Variants in RAD52 observed in about 807,000 individuals in gnomAD.
RAD52 encodes the protein RAD52 DNA repair protein, also known as DNA repair protein RAD52 homolog.
A neutral mutation model predicts 55.5 loss-of-function variants in RAD52; 47 were observed. That is an observed-to-expected ratio of 0.85 (90% CI 0.67 to 1.08). The LOEUF is 1.08. RAD52 is among the 50% of genes least tolerant of loss of function. RAD52 has a pLI of 0.00. For synonymous variants in RAD52, 184 were observed against 198.9 expected, an observed-to-expected ratio of 0.92 and a Z score of 0.63; for missense variants, 468 against 522.8, an observed-to-expected ratio of 0.90 and a Z score of 1.02.
chr12:929,848 C>T lies in RAD52; in HGVS notation c.319G>A (p.Val107Ile), dbSNP rs1295687937. The T allele has an allele frequency of 6.2e-7, 1 of 1,613,972 alleles. No homozygotes were observed. The highest frequency in any genetic ancestry group is 8.5e-7 in the Non-Finnish European group (1 of 1,179,966). The part of the protein sequence containing the change: ...DLNNGKFYVG[V>I]CAFVRVQLKD... ...AGCTGGACCCTCACAAATGCACAGA[C>T]TCCCACGTAGAACTTGCCATTGTTG... The change falls in exon 5 of 12, where the codon GTC becomes ATC. Residue 107 changes from valine to isoleucine, a missense_variant. Physicochemically the swap from Val to Ile is conservative, Grantham distance 29. Coordinates refer to ENST00000358495, the MANE Select transcript of RAD52 (RefSeq NM_134424.4).
chr12:978,348 C>T (rs1225914039), intron 1 of RAD52, among the ~76,000 whole-genome samples: 7 of 152,168 alleles, frequency 4.6e-5, no homozygotes, highest in Non-Finnish European at 8.8e-5. Flanking sequence ...CCACCACGCC[C>T]GGCCGTTTGT....
At chr12:978,179 G>A (rs1958958769) in intron 1 of RAD52, among the ~76,000 whole-genome samples, 1 of 152,068 alleles carries the variant, frequency 6.6e-6, no homozygotes. Flanking sequence ...TCTTTCCAAA[G>A]ACATTTAGAT....
intron 1 of RAD52, among the ~76,000 whole-genome samples, chr12:963,667 A>G (rs1328213115): frequency 6.6e-6 from 1 of 152,146 alleles, no homozygotes; most frequent in Non-Finnish European, 1.5e-5. Flanking sequence ...GAATTTTTAT[A>G]AAATTATATA....
At chr12:926,902 A>G (rs1957066769) in intron 6 of RAD52, 1 of 1,536,816 alleles carries the variant, frequency 6.5e-7, no homozygotes, top group South Asian at 1.2e-5. Flanking sequence ...GTGCACGGAG[A>G]AGAGAGAGTA....
chr12:954,398 G>A (rs929609031), upstream of RAD52, among the ~76,000 whole-genome samples: 8 of 152,186 alleles, frequency 5.3e-5, no homozygotes, highest in African/African-American at 1.7e-4. Flanking sequence ...TTGGGAGGCC[G>A]AGGTGGGTGG....
intron 1 of RAD52, among the ~76,000 whole-genome samples, chr12:936,485 T>TG (rs1555175573): frequency 7.4e-6 from 1 of 134,390 alleles, no homozygotes; most frequent in African/African-American, 2.8e-5. Context: ...ATTATAAAAG[T>TG]AAAAAAAAAA....
rs1222398397 is a variant in RAD52, at chr12:970,328, A to AAG, written c.-19+19480_-19+19481insCT. 5.9e-4 allele frequency among the ~76,000 whole-genome samples: 89 copies of AAG among 151,222 alleles called. 1 individual carries two copies. In the East Asian group the frequency reaches 0.014, roughly 24 times the overall value. On this transcript the variant is annotated intron_variant, in intron 1 of 11. Transcript: ENST00000430095. ...AACAAGACATCATCTCAAAAAAAAAAAAAAAAAAAAAAAGTCATAATTTAG... is the reference window on the plus strand; with the variant it reads ...AACAAGACATCATCTCAAAAAAAAAAAGAAAAAAAAAAAAAGTCATAATTTAG...
chr12:980,230 T>C (rs1255166613), intron 1 of RAD52, among the ~76,000 whole-genome samples: 1 of 151,322 alleles, frequency 6.6e-6, no homozygotes, highest in Non-Finnish European at 1.5e-5. Context: ...GAGTTATTTA[T>C]ATAGGCTAGA....
In RAD52 at chr12:916,639, C is replaced by G. The variant is rs1260873741; in HGVS notation, c.725G>C (p.Arg242Pro). 21 of 1,612,202 alleles carry G rather than the reference C, an allele frequency of 1.3e-5. No individual in the cohort carries two copies. Among genetic ancestry groups the G allele is most frequent in the Non-Finnish European group, 1.8e-5 (21 of 1,178,780 alleles). ...VIPADQDCSS[R>P]SLSSSAVESE... ...AAAGGAGGGGACTTAGGCCGCATAC[C>G]GGGAGCTGCAGTCCTGGTCCGCCGG... Residue 242 changes from arginine to proline, a missense_variant and splice_region_variant, in exon 8 of 12, where the codon CGA becomes CCA. Arg to Pro is a moderately radical substitution (Grantham distance 103). Coordinates refer to ENST00000358495, the MANE Select transcript of RAD52 (RefSeq NM_134424.4).
At chr12:952,242 G>A (rs1210425256), upstream of RAD52, among the ~76,000 whole-genome samples, 1 of 152,096 alleles carries the variant, frequency 6.6e-6, no homozygotes, top group Non-Finnish European at 1.5e-5. Flanking sequence ...GGAACTGCAG[G>A]TGCATGACAC....
At chr12:943,871 C>A (rs1958051054) in intron 1 of RAD52, among the ~76,000 whole-genome samples, 1 of 151,054 alleles carries the variant, frequency 6.6e-6, no homozygotes. Flanking sequence ...TGAAGATATT[C>A]TTCTCATCTT....
At chr12:986,523 C>T (rs1008845129) in intron 1 of RAD52, among the ~76,000 whole-genome samples, 3 of 151,966 alleles carry the variant, frequency 2.0e-5, no homozygotes, top group Admixed American at 1.3e-4. Flanking sequence ...CCACCATTCC[C>T]GGCTAATTTT....
intron 1 of RAD52, among the ~76,000 whole-genome samples, chr12:937,990 C>T (rs1289468505): frequency 1.3e-5 from 2 of 152,150 alleles, no homozygotes; most frequent in African/African-American, 4.8e-5. Context: ...TTAGGTTCCC[C>T]CGTGGCAACA....
chr12:943,741 T>A (rs1958041657), intron 1 of RAD52, among the ~76,000 whole-genome samples: 6 of 152,084 alleles, frequency 3.9e-5, no homozygotes, highest in Admixed American at 3.9e-4. Flanking sequence ...TGTGATTACA[T>A]TTTGATGTAA....
intron 7 of RAD52, among the ~76,000 whole-genome samples, chr12:920,514 ACCG>A (rs1420085044): frequency 6.7e-6 from 1 of 149,346 alleles, no homozygotes; most frequent in Admixed American, 6.7e-5. Flanking sequence ...CTGAGATCGC[ACCG>A]CCACTGCACT....
At chr12:970,597 C>T (rs1221827782) in intron 1 of RAD52, among the ~76,000 whole-genome samples, 4 of 152,074 alleles carry the variant, frequency 2.6e-5, no homozygotes, top group African/African-American at 9.7e-5. Context: ...ATAATTAGCT[C>T]TTAGGTTAAA....
intron 1 of RAD52, among the ~76,000 whole-genome samples, chr12:937,683 C>T (rs745981636): frequency 1.9e-4 from 29 of 152,278 alleles, no homozygotes; most frequent in Middle Eastern, 3.4e-3. Context: ...GCCTCATCCT[C>T]CCAAAGTGCT....
At chr12:941,078 A>G (rs1957895664) in intron 1 of RAD52, among the ~76,000 whole-genome samples, 1 of 152,208 alleles carries the variant, frequency 6.6e-6, no homozygotes, top group African/African-American at 2.4e-5. Context: ...AATCTCAAGA[A>G]TAAATCTCCG....
chr12:939,082 GTGT>G (rs971697027), intron 1 of RAD52, among the ~76,000 whole-genome samples: 12 of 127,362 alleles, frequency 9.4e-5, no homozygotes, highest in Admixed American at 2.5e-4. Flanking sequence ...GTGTGTGTGT[GTGT>G]AGAGAGAGAG....
Sources: gnomAD v4.1 joint callset for allele counts (sites outside exome capture counted in the v4.1 genomes callset) on GRCh38, gnomAD v4.1.1 for gene constraint, MANE v1.5 for transcripts, NCBI Gene and HGNC (gene_info 2026-07-23, HGNC 2026-07-21) for gene names.